Variants in EFCAB11 observed in about 807,000 individuals in gnomAD.
The protein encoded by EFCAB11 is EF-hand calcium-binding domain-containing protein 11.
A neutral mutation model predicts 23.0 loss-of-function variants in EFCAB11; 14 were observed. The ratio of observed to expected loss-of-function variants is 0.61; its 90% CI spans 0.40 to 0.95. EFCAB11 has a LOEUF of 0.95. Among genes scored for constraint, EFCAB11 ranks in the 40% least tolerant of loss-of-function variants. The pLI is 0.00. For synonymous variants in EFCAB11, 65 were observed against 66.6 expected, an observed-to-expected ratio of 0.98 and a Z score of 0.11; for missense variants, 198 against 195.8, an observed-to-expected ratio of 1.01 and a Z score of -0.07.
intron 5 of EFCAB11, among the ~76,000 whole-genome samples, chr14:89,906,103 G>GTA (rs1436064354): frequency 6.6e-6 from 1 of 151,608 alleles, no homozygotes; most frequent in East Asian, 1.9e-4. Flanking sequence ...TAGTAATACT[G>GTA]TACATCTCAT....
rs1596368586 is a variant in EFCAB11, at chr14:89,796,254, T to A, written c.*989A>T. ...GTGCCCTGGGACCACTTTACAGTGA[T>A]GATTTGGACTCAGGGACATTATCTT... is the stretch of plus-strand genomic sequence containing the variant. On this transcript the variant is annotated 3_prime_UTR_variant, in exon 6 of 6. Transcript: ENST00000316738. 1 of 152,394 alleles carries A rather than the reference T, an allele frequency of 6.6e-6. No individual in the cohort carries two copies. The highest frequency in any genetic ancestry group is 2.1e-4 in the South Asian group (1 of 4,824). 9.4% of individuals were successfully genotyped at this position (152,394 alleles called of 1,614,324 possible). A position where few individuals can be genotyped will look rare whatever the true frequency, so the allele number is the denominator to read the frequency against.
At chr14:89,797,380 C>T (rs372620860) in intron 5 of EFCAB11, 56 bp from the exon 6 acceptor site, 18 of 1,471,966 alleles carry the variant, frequency 1.2e-5, no homozygotes, top group East Asian at 6.9e-5. Context: ...ACCTATGCAC[C>T]GAGAGCACAT....
At chr14:89,893,838 C>A (rs1357638528) in intron 5 of EFCAB11, among the ~76,000 whole-genome samples, 8 of 150,526 alleles carry the variant, frequency 5.3e-5, no homozygotes, top group Non-Finnish European at 1.0e-4. Context: ...GGGTTTATAT[C>A]AAAAATATAA....
chr14:89,898,763 C>T (rs1889253387), intron 5 of EFCAB11, among the ~76,000 whole-genome samples: 1 of 146,466 alleles, frequency 6.8e-6, no homozygotes, highest in African/African-American at 2.5e-5. Flanking sequence ...CCTCCAATTT[C>T]TGGGCTCAAA....
intron 5 of EFCAB11, chr14:89,924,099 A>C: frequency 1.0e-6 from 1 of 985,612 alleles, no homozygotes; most frequent in Non-Finnish European, 1.2e-6. Flanking sequence ...CCCTTTTACA[A>C]TTGCATTCCT....
At chr14:89,880,671 A>T (rs1882706103) in intron 5 of EFCAB11, among the ~76,000 whole-genome samples, 1 of 152,230 alleles carries the variant, frequency 6.6e-6, no homozygotes, top group South Asian at 2.1e-4. Flanking sequence ...TGATAAAAAC[A>T]CACCAGCTGT....
intron 2 of EFCAB11, chr14:89,952,527 C>G: frequency 6.1e-6 from 6 of 985,470 alleles, no homozygotes; most frequent in Non-Finnish European, 7.2e-6. Context: ...GACTACTTCT[C>G]TGAGCTCCAT....
intron 5 of EFCAB11, among the ~76,000 whole-genome samples, chr14:89,829,070 CT>C (rs911392879): frequency 1.3e-5 from 2 of 152,128 alleles, no homozygotes; most frequent in African/African-American, 4.8e-5. Context: ...AGGAAGAGTT[CT>C]TTTTTTCAAT....
At chr14:89,923,503 A>C (rs1890086015) in intron 5 of EFCAB11, 1 of 191,240 alleles carries the variant, frequency 5.2e-6, no homozygotes, top group African/African-American at 2.4e-5. Context: ...GAGAAGACAC[A>C]AAATTTCATG....
At chr14:89,820,210 G>T (rs1198236443) in intron 5 of EFCAB11, among the ~76,000 whole-genome samples, 1 of 152,146 alleles carries the variant, frequency 6.6e-6, no homozygotes, top group Non-Finnish European at 1.5e-5. Flanking sequence ...TTTAAGTGCA[G>T]AGCTGTCGAT....
chr14:89,878,009 C>T (rs1453096756), intron 5 of EFCAB11, among the ~76,000 whole-genome samples: 1 of 152,146 alleles, frequency 6.6e-6, no homozygotes, highest in East Asian at 1.9e-4. Context: ...ATTGCTTCCA[C>T]GTGTGTTATT....
At chr14:89,845,808 C>T (rs896078688) in intron 5 of EFCAB11, among the ~76,000 whole-genome samples, 4 of 152,134 alleles carry the variant, frequency 2.6e-5, no homozygotes, top group South Asian at 4.1e-4. Context: ...GATGTGCAGT[C>T]GGGAGTACTG....
chr14:89,869,108 C>T (rs1387736204), intron 5 of EFCAB11, among the ~76,000 whole-genome samples: 1 of 152,016 alleles, frequency 6.6e-6, no homozygotes, highest in Non-Finnish European at 1.5e-5. Context: ...AAGGCTGAAG[C>T]AGGAAGATCA....
At chr14:89,833,312 G>A (rs1459008438) in intron 5 of EFCAB11, 1 of 152,214 alleles carries the variant, frequency 6.6e-6, no homozygotes, top group Non-Finnish European at 1.5e-5. Flanking sequence ...GTACTTCTGA[G>A]TAACACAGTC....
At chr14:89,867,218 G>A (rs1342604140) in intron 5 of EFCAB11, among the ~76,000 whole-genome samples, 1 of 152,164 alleles carries the variant, frequency 6.6e-6, no homozygotes, top group Non-Finnish European at 1.5e-5. Context: ...GGTCACTACT[G>A]GTGCTATACC....
intron 5 of EFCAB11, among the ~76,000 whole-genome samples, chr14:89,920,828 T>C (rs1390989379): frequency 1.3e-5 from 2 of 151,186 alleles, no homozygotes; most frequent in African/African-American, 4.9e-5. Flanking sequence ...ACTCCGGGAG[T>C]CCGAGGAGGG....
At chr14:89,839,085 G>A (rs1887177310) in intron 5 of EFCAB11, among the ~76,000 whole-genome samples, 2 of 152,162 alleles carry the variant, frequency 1.3e-5, no homozygotes, top group Admixed American at 6.5e-5. Flanking sequence ...TCAGATAGCA[G>A]GATGATCAGA....
intron 3 of EFCAB11, among the ~76,000 whole-genome samples, chr14:89,940,476 C>G (rs144662423): frequency 2.9e-4 from 44 of 152,250 alleles, no homozygotes; most frequent in African/African-American, 9.6e-4. Context: ...TAAATAAAAG[C>G]ATGCAAGCCA....
intron 5 of EFCAB11, among the ~76,000 whole-genome samples, chr14:89,881,917 T>C (rs931973721): frequency 6.6e-6 from 1 of 152,166 alleles, no homozygotes; most frequent in Non-Finnish European, 1.5e-5. Context: ...TCAGTAGCAT[T>C]AAACATAGGA....
Sources: gnomAD v4.1 joint callset for allele counts (sites outside exome capture counted in the v4.1 genomes callset) on GRCh38, gnomAD v4.1.1 for gene constraint, MANE v1.5 for transcripts, NCBI Gene and HGNC (gene_info 2026-07-23, HGNC 2026-07-21) for gene names.